Variants in IL1R1 observed in about 807,000 individuals in gnomAD.
The protein encoded by IL1R1 is interleukin-1 receptor type 1.
IL1R1 carries 22 observed loss-of-function variants against 50.2 expected under a neutral mutation model. The observed-to-expected ratio is 0.44, with a 90% CI of 0.31 to 0.63. The LOEUF (loss-of-function observed/expected upper bound fraction) is 0.63. IL1R1 is among the 20% of genes least tolerant of loss of function. The pLI, the probability that IL1R1 is intolerant of heterozygous loss-of-function variation, is 0.07. For missense variants in IL1R1, 509 were observed against 676.2 expected, an observed-to-expected ratio of 0.75 and a Z score of 2.74; for synonymous variants, 251 against 236.7, an observed-to-expected ratio of 1.06 and a Z score of -0.55.
At chr2:102,167,704 TC>T (rs1209296214) in intron 6 of IL1R1, among the ~76,000 whole-genome samples, 1 of 152,118 alleles carries the variant, frequency 6.6e-6, no homozygotes, top group Non-Finnish European at 1.5e-5. Context: ...CACCTCTGCC[TC>T]CTTAAGTGCT....
chr2:102,159,290 T>G (rs761542251), intron 3 of IL1R1, among the ~76,000 whole-genome samples: 4 of 152,236 alleles, frequency 2.6e-5, no homozygotes, highest in Non-Finnish European at 5.9e-5. Flanking sequence ...ATAAGAACTT[T>G]AAGGACTGAG....
intron 1 of IL1R1, chr2:102,070,645 G>C (rs17766515): frequency 6.6e-6 from 1 of 152,240 alleles, no homozygotes; most frequent in Admixed American, 6.5e-5. Flanking sequence ...TCTGCTTCTA[G>C]GGTGTTTGAA....
chr2:102,116,495 G>A (rs1359478223), intron 1 of IL1R1, among the ~76,000 whole-genome samples: 1 of 152,100 alleles, frequency 6.6e-6, no homozygotes, highest in African/African-American at 2.4e-5. Flanking sequence ...AGCATTTCTG[G>A]ATTAATTTTA....
At chr2:102,085,332 G>C (rs774303412) in intron 1 of IL1R1, among the ~76,000 whole-genome samples, 18 of 152,038 alleles carry the variant, frequency 1.2e-4, no homozygotes, top group Non-Finnish European at 1.9e-4. Context: ...TTCTTTAAAG[G>C]CTTTATTGTT....
chr2:102,106,935 C>T (rs1680448212), intron 1 of IL1R1, among the ~76,000 whole-genome samples: 1 of 152,044 alleles, frequency 6.6e-6, no homozygotes, highest in Non-Finnish European at 1.5e-5. Flanking sequence ...CAACTAACAC[C>T]CTTGTAGCTA....
chr2:102,084,335 G>C (rs762780220), intron 1 of IL1R1, among the ~76,000 whole-genome samples: 1 of 152,154 alleles, frequency 6.6e-6, no homozygotes, highest in African/African-American at 2.4e-5. Context: ...ATGGCCTGGT[G>C]GTCTGGTTTG....
chr2:102,169,788 A>G (rs1473892054), intron 7 of IL1R1, among the ~76,000 whole-genome samples: 1 of 152,252 alleles, frequency 6.6e-6, no homozygotes, highest in Non-Finnish European at 1.5e-5. Context: ...AGGCTCTAGA[A>G]CAATGTTTCT....
chr2:102,081,214 G>A (rs1296942906), intron 1 of IL1R1, among the ~76,000 whole-genome samples: 4 of 152,120 alleles, frequency 2.6e-5, no homozygotes, highest in Non-Finnish European at 5.9e-5. Context: ...TATGCTGTGT[G>A]AATGACATCT....
At chr2:102,131,263 C>T (rs1290601229) in intron 1 of IL1R1, among the ~76,000 whole-genome samples, 1 of 152,166 alleles carries the variant, frequency 6.6e-6, no homozygotes, top group African/African-American at 2.4e-5. Flanking sequence ...TCAAACTATT[C>T]TCAATAACTC....
At chr2:102,145,352 G>A (rs1683024711) in intron 1 of IL1R1, among the ~76,000 whole-genome samples, 1 of 152,180 alleles carries the variant, frequency 6.6e-6, no homozygotes, top group African/African-American at 2.4e-5. Flanking sequence ...GTGGGTCCAG[G>A]AAATGCTGCT....
chr2:102,083,975 C>G (rs1679330412), intron 1 of IL1R1, among the ~76,000 whole-genome samples: 1 of 151,878 alleles, frequency 6.6e-6, no homozygotes, highest in African/African-American at 2.4e-5. Context: ...GCAATATGTG[C>G]TTTAGCTAAA....
At chr2:102,170,758 T>C (rs1387345961) in intron 7 of IL1R1, among the ~76,000 whole-genome samples, 2 of 152,078 alleles carry the variant, frequency 1.3e-5, no homozygotes, top group Non-Finnish European at 2.9e-5. Context: ...TCAGAAAAAC[T>C]GAAATTTAAA....
chr2:102,087,459 A>G (rs1679477716), intron 1 of IL1R1, among the ~76,000 whole-genome samples: 2 of 152,182 alleles, frequency 1.3e-5, no homozygotes, highest in South Asian at 2.1e-4. Flanking sequence ...TGCTTTCTCA[A>G]TTCAGTTTAG....
chr2:102,129,682 C>T (rs1681925451), intron 1 of IL1R1, among the ~76,000 whole-genome samples: 1 of 152,146 alleles, frequency 6.6e-6, no homozygotes, highest in African/African-American at 2.4e-5. Flanking sequence ...ACGAGGGTGC[C>T]CCTCTCTTCT....
At chr2:102,172,065 A>G (rs538772022) in intron 8 of IL1R1, 147 bp downstream of exon 8, 3 of 368,006 alleles carry the variant, frequency 8.2e-6, no homozygotes, top group Admixed American at 6.3e-5. Context: ...TTGCTAAGCT[A>G]AGTAGAATTT....
At position 102,161,440 on chromosome 2, in the gene IL1R1, T is replaced by G. The variant is rs548670175; in HGVS notation, c.62-3334T>G. Among the ~76,000 whole-genome samples the G allele has an allele frequency of 2.6e-5, 4 of 152,314 alleles. No homozygotes were observed. In the East Asian group the frequency reaches 7.7e-4, roughly 29 times the overall value. ...GGTTGGAATTTTCTGCAAATATCAATTATGTCAAATTGGTTGATAGTGTTG... is the reference window on the plus strand; with the variant it reads ...GGTTGGAATTTTCTGCAAATATCAAGTATGTCAAATTGGTTGATAGTGTTG... On this transcript the variant is annotated intron_variant, in intron 3 of 11. Coordinates refer to ENST00000410023, the MANE Select transcript of IL1R1 (RefSeq NM_000877.4).
intron 1 of IL1R1, among the ~76,000 whole-genome samples, chr2:102,132,176 A>G (rs1577919261): frequency 6.6e-6 from 1 of 151,858 alleles, no homozygotes; most frequent in South Asian, 2.1e-4. Context: ...TGCACTACAA[A>G]AATGTTAGAG....
Position 102,157,701 on chromosome 2 carries a change from G to A in IL1R1, c.-6-18G>A, listed in dbSNP as rs200754351. On this transcript the variant is annotated intron_variant, in intron 2 of 11. Coordinates refer to ENST00000410023, the MANE Select transcript of IL1R1 (RefSeq NM_000877.4). ...ACATTTTTGCTTTTGTCTTTCTTTC[G>A]TTCCTCCATTTCTCCAGAAGAATAT... 145 of 1,548,242 alleles carry A rather than the reference G, an allele frequency of 9.4e-5. 2 individuals are homozygous for A. In the Admixed American group the frequency reaches 1.4e-3, roughly 15 times the overall value.
At chr2:102,124,957 A>C (rs1042426862) in intron 1 of IL1R1, among the ~76,000 whole-genome samples, 2 of 152,172 alleles carry the variant, frequency 1.3e-5, no homozygotes, top group East Asian at 3.9e-4. Context: ...CTCACCCACT[A>C]TCACGAGAAC....
Sources: allele counts gnomAD v4.1 joint callset (sites outside exome capture counted in the v4.1 genomes callset), GRCh38; gene constraint gnomAD v4.1.1; transcripts MANE v1.5; gene names NCBI Gene and HGNC (gene_info 2026-07-23, HGNC 2026-07-21).